The following ANK2 variants were observed in gnomAD, a reference collection of about 807,000 sequenced individuals.
ANK2 encodes ankyrin 2, also known as ankyrin-2.
ANK2 carries 83 observed loss-of-function variants against 360.5 expected under a neutral mutation model. The observed-to-expected ratio is 0.23, with a 90% CI of 0.19 to 0.28. The LOEUF is 0.28. ANK2 is among the 10% of genes least tolerant of loss of function. ANK2 has a pLI of 1.00. For synonymous variants in ANK2, 1,740 were observed against 1,759.5 expected, an observed-to-expected ratio of 0.99 and a Z score of 0.28; for missense variants, 4,201 against 4,795.7, an observed-to-expected ratio of 0.88 and a Z score of 3.66.
In ANK2 at chr4:113,248,541, G is replaced by A. The variant is rs572729667; in HGVS notation, c.892-1223G>A. On this transcript the variant is annotated intron_variant, in intron 9 of 45. Coordinates refer to ENST00000357077, the MANE Select transcript of ANK2 (RefSeq NM_001148.6). Reference sequence around the variant, plus strand: ...AGGCAGCTCACTGATGCCCCCTACAGTGGCCAGTCTGTTGGGACACAGAGC... The same window carrying A: ...AGGCAGCTCACTGATGCCCCCTACAATGGCCAGTCTGTTGGGACACAGAGC... 1.8e-4 allele frequency among the ~76,000 whole-genome samples: 27 copies of A among 152,236 alleles called. No homozygotes were observed. In the East Asian group the frequency reaches 5.2e-3, roughly 29 times the overall value.
At chr4:112,805,674 C>T in the ANK2 span, among the ~76,000 whole-genome samples, 157 of 151,502 alleles carry the variant, frequency 1.0e-3, 1 homozygote, top group East Asian at 0.023. Flanking sequence ...CTCTGCCTCC[C>T]GGGTTCAAGC....
chr4:112,757,269 A>G, the ANK2 span, among the ~76,000 whole-genome samples: 1 of 151,586 alleles, frequency 6.6e-6, no homozygotes. Flanking sequence ...CCCGCCACCA[A>G]GCCCGGCTAA....
chr4:113,202,553 G>C (rs916514531), intron 4 of ANK2, among the ~76,000 whole-genome samples: 6 of 152,198 alleles, frequency 3.9e-5, no homozygotes, highest in Non-Finnish European at 8.8e-5. Flanking sequence ...ATTGGCAGCT[G>C]CCTAGTACTA....
the ANK2 span, among the ~76,000 whole-genome samples, chr4:112,711,582 C>T: frequency 6.6e-6 from 1 of 151,892 alleles, no homozygotes; most frequent in Non-Finnish European, 1.5e-5. Context: ...TTTGGGAGGC[C>T]AAGGTGTGTG....
intron 1 of ANK2, among the ~76,000 whole-genome samples, chr4:113,069,259 C>T (rs924214882): frequency 2.0e-5 from 3 of 152,080 alleles, no homozygotes; most frequent in African/African-American, 7.2e-5. Context: ...AACATTTATG[C>T]CCTAATTAGT....
Position 113,354,006 on chromosome 4 carries a change from C to A in ANK2, c.5388C>A (p.Asp1796Glu), listed in dbSNP as rs374140329. Reference sequence around the variant, plus strand: ...CCATCAGAGTCAAAGGCAAGGAGGACGTGCCAAAAAAGACCACCCACAGGC... The same window carrying A: ...CCATCAGAGTCAAAGGCAAGGAGGAAGTGCCAAAAAAGACCACCCACAGGC... ...KLPIRVKGKE[D>E]VPKKTTHRPH... The change falls in exon 38 of 46, where the codon GAC (aspartate) becomes GAA (glutamate). Residue 1796 changes from aspartate (D) to glutamate (E), a missense_variant. Asp to Glu is a conservative substitution (Grantham distance 45). Coordinates refer to ENST00000357077, the MANE Select transcript of ANK2 (RefSeq NM_001148.6). The A allele has an allele frequency of 1.2e-6, 2 of 1,614,000 alleles. No homozygotes were observed. Among genetic ancestry groups the A allele is most frequent in the East Asian group, 4.5e-5 (2 of 44,852 alleles).
intron 10 of ANK2, among the ~76,000 whole-genome samples, chr4:113,251,639 C>A (rs576279266): frequency 2.0e-5 from 3 of 151,726 alleles, no homozygotes; most frequent in African/African-American, 7.3e-5. Flanking sequence ...CCCACCACCA[C>A]GCCCAGCTAA....
intron 24 of ANK2, among the ~76,000 whole-genome samples, chr4:113,315,663 C>T (rs1374289706): frequency 3.3e-5 from 5 of 152,060 alleles, no homozygotes; most frequent in South Asian, 4.1e-4. Flanking sequence ...CTTTGGGAGG[C>T]CAAGGTGGGC....
intron 1 of ANK2, among the ~76,000 whole-genome samples, chr4:112,874,634 C>T (rs958214182): frequency 1.7e-4 from 19 of 111,756 alleles, no homozygotes; most frequent in South Asian, 3.1e-4. Context: ...CAGAGGAAGA[C>T]GCCATCTCAA....
intron 1 of ANK2, among the ~76,000 whole-genome samples, chr4:113,098,364 A>G (rs537216579): frequency 3.9e-4 from 60 of 152,034 alleles, no homozygotes; most frequent in Non-Finnish European, 7.8e-4. Context: ...TCAGAAATCA[A>G]AGAGGGATGG....
At chr4:112,787,922 G>A in the ANK2 span, among the ~76,000 whole-genome samples, 880 of 152,182 alleles carry the variant, frequency 5.8e-3, 11 homozygotes, top group African/African-American at 0.019. Context: ...CTCAAATGCC[G>A]CAGTCTCCTG....
At chr4:112,888,149 TTA>T (rs1425350171) in intron 1 of ANK2, among the ~76,000 whole-genome samples, 1 of 152,166 alleles carries the variant, frequency 6.6e-6, no homozygotes, top group African/African-American at 2.4e-5. Context: ...TTATTGCTAT[TTA>T]TATATATCAT....
rs796980179 is a variant in ANK2 at position 113,232,025 on chromosome 4, T to C, written c.385-136T>C. 7.5e-5 allele frequency: 51 copies of C among 681,912 alleles called. No individual in the cohort carries two copies. In the African/African-American group the frequency reaches 8.4e-4, roughly 11 times the overall value. The allele number at this position is 681,912 out of a possible 1,614,324, so 42.2% of individuals were successfully genotyped here. On this transcript the variant is annotated intron_variant, in intron 4 of 45. Coordinates refer to ENST00000357077, the MANE Select transcript of ANK2 (RefSeq NM_001148.6). ...TGATTCACTGCGATTTTGTCTAGCT[T>C]TATAATGATAAATATGTGTATAATT...
At chr4:112,715,624 T>TACATCACTACATGCAAATGCAAACTAC in the ANK2 span, among the ~76,000 whole-genome samples, 1 of 152,234 alleles carries the variant, frequency 6.6e-6, no homozygotes, top group African/African-American at 2.4e-5. Flanking sequence ...GCAAATGCTG[T>TACATCACTACATGCAAATGCAAACTAC]AGTTCTGCTG....
chr4:113,047,024 A>G (rs1049990055), upstream of ANK2, among the ~76,000 whole-genome samples: 4 of 152,262 alleles, frequency 2.6e-5, no homozygotes, highest in African/African-American at 9.6e-5. Context: ...TTCAACTGAC[A>G]AAGAACATTA....
At chr4:112,809,402 A>G in the ANK2 span, among the ~76,000 whole-genome samples, 1 of 151,216 alleles carries the variant, frequency 6.6e-6, no homozygotes, top group Non-Finnish European at 1.5e-5. Context: ...TCTACTAAAT[A>G]TACAAAAAAT....
intron 3 of ANK2, among the ~76,000 whole-genome samples, chr4:113,198,380 G>C (rs1584633050): frequency 6.6e-6 from 1 of 151,734 alleles, no homozygotes; most frequent in Non-Finnish European, 1.5e-5. Flanking sequence ...TCACATCATA[G>C]GTATTTTTAA....
chr4:113,147,097 G>T (rs1391716946), intron 1 of ANK2, among the ~76,000 whole-genome samples: 2 of 152,148 alleles, frequency 1.3e-5, no homozygotes, highest in Non-Finnish European at 2.9e-5. Flanking sequence ...TTTGCAGTTG[G>T]CAGTGAACAG....
At chr4:112,970,857 TAA>T (rs1056060207) in intron 2 of ANK2, among the ~76,000 whole-genome samples, 1 of 150,776 alleles carries the variant, frequency 6.6e-6, no homozygotes, top group Non-Finnish European at 1.5e-5. Flanking sequence ...AGTGTCCCAC[TAA>T]AAAAATGATA....
Sources: gnomAD v4.1 joint callset for allele counts (sites outside exome capture counted in the v4.1 genomes callset) on GRCh38, gnomAD v4.1.1 for gene constraint, MANE v1.5 for transcripts, NCBI Gene and HGNC (gene_info 2026-07-23, HGNC 2026-07-21) for gene names.